The following EPB41L4A variants were observed in gnomAD, a reference collection of about 807,000 sequenced individuals.
EPB41L4A encodes the protein erythrocyte membrane protein band 4.1 like 4A.
Under a neutral mutation model 108.6 loss-of-function variants are expected in EPB41L4A, and 100 were observed. The ratio of observed to expected loss-of-function variants is 0.92; its 90% CI spans 0.78 to 1.09. The LOEUF (loss-of-function observed/expected upper bound fraction) is 1.09, where lower values mean the gene tolerates loss of function less well. Among genes scored for constraint, EPB41L4A ranks in the 50% least tolerant of loss-of-function variants. The pLI, the probability that EPB41L4A is intolerant of heterozygous loss-of-function variation, is 0.00. For missense variants in EPB41L4A, 1,030 were observed against 842.7 expected, an observed-to-expected ratio of 1.22 and a Z score of -2.75; for synonymous variants, 319 against 289.0, an observed-to-expected ratio of 1.10 and a Z score of -1.05.
chr5:112,326,771 A>G (rs821741), intron 1 of EPB41L4A, among the ~76,000 whole-genome samples: 4,115 of 152,254 alleles, frequency 0.027, 180 homozygotes, highest in African/African-American at 0.094. Flanking sequence ...CTCTACTTTT[A>G]AGAATCAATC....
At chr5:112,227,853 T>A (rs1175431176) in intron 12 of EPB41L4A, among the ~76,000 whole-genome samples, 1 of 152,238 alleles carries the variant, frequency 6.6e-6, no homozygotes, top group Admixed American at 6.5e-5. Context: ...CTGTCTTCCC[T>A]GCTTTGACTG....
chr5:112,167,738 C>T (rs1760337140), intron 22 of EPB41L4A, among the ~76,000 whole-genome samples: 1 of 152,106 alleles, frequency 6.6e-6, no homozygotes, highest in Admixed American at 6.6e-5. Context: ...AACTATGGAT[C>T]CCGTGGGCAC....
intron 18 of EPB41L4A, among the ~76,000 whole-genome samples, chr5:112,171,351 G>A (rs547193271): frequency 2.0e-5 from 3 of 152,170 alleles, no homozygotes; most frequent in Non-Finnish European, 4.4e-5. Context: ...GGTAAAAGAA[G>A]AACTCATCCT....
chr5:112,293,195 A>G (rs1753762098), intron 2 of EPB41L4A, among the ~76,000 whole-genome samples: 1 of 151,680 alleles, frequency 6.6e-6, no homozygotes, highest in Non-Finnish European at 1.5e-5. Context: ...ATTGTTTTCA[A>G]TTGTTGTTCG....
intron 17 of EPB41L4A, chr5:112,192,169 T>C (rs1017117979): frequency 7.9e-5 from 12 of 152,252 alleles, no homozygotes; most frequent in Non-Finnish European, 7.3e-5. Context: ...TCCGGCAAAA[T>C]TTAAGAGGCT....
chr5:112,367,938 C>T (rs388383), intron 1 of EPB41L4A, among the ~76,000 whole-genome samples: 38,827 of 151,886 alleles, frequency 0.26, 5,850 homozygotes, highest in African/African-American at 0.42. Context: ...GCTGTGGCAA[C>T]GAGCTACTAT....
chr5:112,195,735 G>GA, intron 15 of EPB41L4A, 27 bp from the exon 16 acceptor site: 1 of 1,597,966 alleles, frequency 6.3e-7, no homozygotes, highest in South Asian at 1.1e-5. Flanking sequence ...AGACATTTAA[G>GA]AAAACAGGAG....
intron 18 of EPB41L4A, among the ~76,000 whole-genome samples, chr5:112,172,491 A>T (rs1760637561): frequency 6.6e-6 from 1 of 151,614 alleles, no homozygotes. Context: ...CAGTCTGGGC[A>T]ACAGAATGAG....
At chr5:112,300,007 C>T (rs977912236) in intron 2 of EPB41L4A, among the ~76,000 whole-genome samples, 2 of 152,062 alleles carry the variant, frequency 1.3e-5, no homozygotes, top group Admixed American at 6.6e-5. Context: ...TATCTTTTTC[C>T]ATCCCTTTAT....
At chr5:112,404,933 A>G (rs1435137148) in intron 1 of EPB41L4A, among the ~76,000 whole-genome samples, 1 of 152,078 alleles carries the variant, frequency 6.6e-6, no homozygotes. Flanking sequence ...CTCACTTTCA[A>G]CTTTCAGGAG....
intron 1 of EPB41L4A, among the ~76,000 whole-genome samples, chr5:112,310,009 A>C (rs1238915256): frequency 6.6e-6 from 1 of 152,216 alleles, no homozygotes; most frequent in Non-Finnish European, 1.5e-5. Context: ...CATCATCCTC[A>C]GATAAGTGCT....
intron 9 of EPB41L4A, among the ~76,000 whole-genome samples, chr5:112,256,214 T>C (rs1387799887): frequency 6.6e-6 from 1 of 152,160 alleles, no homozygotes; most frequent in African/African-American, 2.4e-5. Flanking sequence ...TTTAAAAAAT[T>C]TCAGCACCTA....
At chr5:112,211,349 C>T (rs147418487) in intron 12 of EPB41L4A, among the ~76,000 whole-genome samples, 4,957 of 152,208 alleles carry the variant, frequency 0.033, 311 homozygotes, top group African/African-American at 0.11. Context: ...TTTGGGAAGC[C>T]GAGGCGGGCG....
chr5:112,176,421 T>G (rs553780528), intron 18 of EPB41L4A, among the ~76,000 whole-genome samples: 2 of 152,310 alleles, frequency 1.3e-5, no homozygotes, highest in East Asian at 3.9e-4. Flanking sequence ...AACTGCCTAC[T>G]TGGCATCTCA....
At chr5:112,365,053 T>A (rs1209224981) in intron 1 of EPB41L4A, among the ~76,000 whole-genome samples, 1 of 152,212 alleles carries the variant, frequency 6.6e-6, no homozygotes, top group Non-Finnish European at 1.5e-5. Flanking sequence ...TTGACCGCTG[T>A]GTTTCCAAAG....
At chr5:112,287,880 T>C (rs1753388665) in intron 2 of EPB41L4A, among the ~76,000 whole-genome samples, 1 of 152,210 alleles carries the variant, frequency 6.6e-6, no homozygotes. Flanking sequence ...AAATTGCTGA[T>C]TGGCTTCATT....
At chr5:112,337,064 C>T (rs975919554) in intron 1 of EPB41L4A, among the ~76,000 whole-genome samples, 2 of 152,132 alleles carry the variant, frequency 1.3e-5, no homozygotes, top group Non-Finnish European at 2.9e-5. Context: ...AATCATTACC[C>T]CTCAGTGTTT....
chr5:112,192,650 C>T (rs1018388070), intron 17 of EPB41L4A, among the ~76,000 whole-genome samples: 37 of 152,168 alleles, frequency 2.4e-4, no homozygotes, highest in Non-Finnish European at 3.4e-4. Context: ...GGAGAAAATA[C>T]CTACAAGAAA....
At chr5:112,294,575 CAGAA>C (rs1753870599) in intron 2 of EPB41L4A, among the ~76,000 whole-genome samples, 2 of 152,014 alleles carry the variant, frequency 1.3e-5, no homozygotes, top group South Asian at 4.2e-4. Context: ...CAGGAGACAT[CAGAA>C]ACACCACACT....
Sources: allele counts gnomAD v4.1 joint callset (sites outside exome capture counted in the v4.1 genomes callset), GRCh38; gene constraint gnomAD v4.1.1; transcripts MANE v1.5; gene names NCBI Gene and HGNC (gene_info 2026-07-23, HGNC 2026-07-21).